FSIP1: variants seen among roughly 807,000 people sequenced by gnomAD.
FSIP1 encodes the protein fibrous sheath-interacting protein 1.
Under a neutral mutation model 60.9 loss-of-function variants are expected in FSIP1, and 65 were observed. That is an observed-to-expected ratio of 1.07 (90% CI 0.87 to 1.31). The LOEUF is 1.31. Among genes scored for constraint, FSIP1 ranks in the 40% most tolerant of loss-of-function variants. The pLI is 0.00. For synonymous variants in FSIP1, 209 were observed against 221.2 expected (o/e 0.94, Z 0.49); for missense variants, 675 against 665.5 (o/e 1.01, Z -0.16).
At chr15:39,732,718 ATC>A (rs1896456685) in intron 8 of FSIP1, among the ~76,000 whole-genome samples, 1 of 152,140 alleles carries the variant, frequency 6.6e-6, no homozygotes, top group Non-Finnish European at 1.5e-5. Flanking sequence ...TTTTAGTCAT[ATC>A]ATTTAGTCTT....
intron 10 of FSIP1, among the ~76,000 whole-genome samples, chr15:39,692,911 G>T (rs1417937141): frequency 6.6e-6 from 1 of 152,224 alleles, no homozygotes; most frequent in Non-Finnish European, 1.5e-5. Flanking sequence ...CGCTACGCCT[G>T]CCTGGCACTG....
intron 10 of FSIP1, among the ~76,000 whole-genome samples, chr15:39,671,657 A>G (rs931619815): frequency 4.6e-5 from 7 of 152,310 alleles, no homozygotes; most frequent in African/African-American, 1.7e-4. Context: ...GGAGTCCTGC[A>G]TTAATGCATA....
intron 10 of FSIP1, among the ~76,000 whole-genome samples, chr15:39,666,230 T>C (rs1021084250): frequency 6.6e-6 from 1 of 152,190 alleles, no homozygotes; most frequent in African/African-American, 2.4e-5. Context: ...GCCAGCCGAG[T>C]TTCTGGCTAG....
intron 10 of FSIP1, among the ~76,000 whole-genome samples, chr15:39,708,635 G>A (rs1050806894): frequency 1.3e-5 from 2 of 152,012 alleles, no homozygotes; most frequent in Non-Finnish European, 2.9e-5. Flanking sequence ...TTCTTTGCTG[G>A]GCTAAATAAA....
At chr15:39,746,519 G>A (rs1323634600) in intron 5 of FSIP1, among the ~76,000 whole-genome samples, 1 of 152,176 alleles carries the variant, frequency 6.6e-6, no homozygotes, top group Non-Finnish European at 1.5e-5. Context: ...GATGGACAAT[G>A]AGCAGACTCA....
chr15:39,714,571 A>G (rs1217993613), intron 9 of FSIP1, among the ~76,000 whole-genome samples: 1 of 150,970 alleles, frequency 6.6e-6, no homozygotes, highest in South Asian at 2.1e-4. Context: ...AGATATCCTC[A>G]TCATTCACCA....
chr15:39,727,737 GC>G (rs1157810769), intron 8 of FSIP1, among the ~76,000 whole-genome samples: 2 of 152,080 alleles, frequency 1.3e-5, no homozygotes, highest in Non-Finnish European at 2.9e-5. Flanking sequence ...AGACAAGGAT[GC>G]CCACTCTCAC....
intron 1 of FSIP1, among the ~76,000 whole-genome samples, chr15:39,778,700 G>A (rs1491624): frequency 0.33 from 49,629 of 152,096 alleles, 9,184 homozygotes; most frequent in Admixed American, 0.43. Context: ...ATTATATTGA[G>A]TGTTCGTGAG....
chr15:39,752,242 C>A (rs929251123), intron 5 of FSIP1, among the ~76,000 whole-genome samples: 1 of 151,822 alleles, frequency 6.6e-6, no homozygotes, highest in East Asian at 1.9e-4. Flanking sequence ...ATATTTAAAT[C>A]CTTAGTCCAT....
intron 11 of FSIP1, among the ~76,000 whole-genome samples, chr15:39,613,322 A>G (rs1891102189): frequency 6.6e-6 from 1 of 152,226 alleles, no homozygotes; most frequent in African/African-American, 2.4e-5. Flanking sequence ...TTATATGCCA[A>G]CATATAATAA....
At chr15:39,669,425 C>T (rs1304123002) in intron 10 of FSIP1, among the ~76,000 whole-genome samples, 1 of 152,208 alleles carries the variant, frequency 6.6e-6, no homozygotes, top group Non-Finnish European at 1.5e-5. Flanking sequence ...AGAACCCAAA[C>T]CATGACACTG....
chr15:39,663,279 A>G lies in FSIP1; in HGVS notation c.1189-45034T>C, dbSNP rs183018779. Among the ~76,000 whole-genome samples the G allele has an allele frequency of 1.3e-3, 205 of 152,326 alleles. 2 individuals carry two copies. Among genetic ancestry groups the G allele is most frequent in the African/African-American group, 4.5e-3 (188 of 41,582 alleles). Reference sequence around the variant, plus strand: ...TATATGTTTTCAACAAAATCTACAGATTCGCCAACGTTGAATTTCTAAGTA... The same window carrying G: ...TATATGTTTTCAACAAAATCTACAGGTTCGCCAACGTTGAATTTCTAAGTA... On this transcript the variant is annotated intron_variant, in intron 10 of 11. Coordinates refer to ENST00000350221, the MANE Select transcript of FSIP1 (RefSeq NM_152597.5).
At chr15:39,725,298 T>G (rs1185332527) in intron 9 of FSIP1, among the ~76,000 whole-genome samples, 1 of 152,226 alleles carries the variant, frequency 6.6e-6, no homozygotes, top group African/African-American at 2.4e-5. Flanking sequence ...TATCTCTGTT[T>G]TCCAAGAATT....
At position 39,739,727 on chromosome 15, in the gene FSIP1, T is replaced by C; in HGVS notation, c.718A>G (p.Asn240Asp). The change falls in exon 7 of 12, where the codon AAT becomes GAT. Residue 240 changes from asparagine to aspartate, a missense_variant. Transcript: ENST00000350221. ...CCCCTGAGCTCAATCTTTTCTGTATTCGAGAAAGGTTTCTTTCCTGATTTG... is the reference window on the plus strand; with the variant it reads ...CCCCTGAGCTCAATCTTTTCTGTATCCGAGAAAGGTTTCTTTCCTGATTTG... ...LIKSGKKPFS[N>D]TEKIELRGKH... 6.2e-7 allele frequency: 1 copy of C among 1,600,276 alleles called. No homozygotes were observed. The highest frequency in any genetic ancestry group is 8.5e-7 in the Non-Finnish European group (1 of 1,175,384).
In FSIP1 at chr15:39,763,841, G is replaced by T; in HGVS notation, c.539C>A (p.Ala180Asp). ...CTCACCAACAGTTTCTTCAGAAACA[G>T]CAGTCAAAGATAAAAATTTTTTTGT... is the stretch of plus-strand genomic sequence containing the variant. Reference protein sequence around the residue: ...ENTKKFLSLTAVSEETVGPSH... With the variant: ...ENTKKFLSLTDVSEETVGPSH... The change falls in exon 5 of 12, where the codon GCT becomes GAT. Residue 180 changes from alanine (A) to aspartate (D), a missense_variant. Transcript: ENST00000350221. 6.3e-7 allele frequency: 1 copy of T among 1,578,290 alleles called. No homozygotes were observed. The highest frequency in any genetic ancestry group is 8.7e-7 in the Non-Finnish European group (1 of 1,148,136).
At chr15:39,776,934 CT>C (rs1025619918) in intron 1 of FSIP1, among the ~76,000 whole-genome samples, 1 of 151,014 alleles carries the variant, frequency 6.6e-6, no homozygotes. Flanking sequence ...GCTACTTTCT[CT>C]TTTTTTTTGA....
At chr15:39,706,988 G>A (rs1375791243) in intron 10 of FSIP1, among the ~76,000 whole-genome samples, 1 of 152,172 alleles carries the variant, frequency 6.6e-6, no homozygotes, top group Non-Finnish European at 1.5e-5. Context: ...GTCAAAGCAA[G>A]GCAAAAGGGT....
Position 39,765,669 on chromosome 15 carries a change from C to T in FSIP1, c.388G>A (p.Ala130Thr). 1.3e-6 allele frequency: 2 copies of T among 1,597,870 alleles called. No homozygotes were observed. Among genetic ancestry groups the T allele is most frequent in the Non-Finnish European group, 1.7e-6 (2 of 1,168,914 alleles). The change falls in exon 4 of 12, where the codon GCA becomes ACA. Residue 130 changes from alanine (A) to threonine (T), a missense_variant. Coordinates refer to ENST00000350221, the MANE Select transcript of FSIP1 (RefSeq NM_152597.5). ...QKMKKLDKIL[A>T]KKQRREKEIK... ...TCTTTTTCTCTGCGTTGTTTCTTTG[C>T]CAATATTTTATCAAGTTTTTTCATC...
rs538999270 is a variant in FSIP1, at chr15:39,779,517, C to T, written c.-7-2986G>A. Among the ~76,000 whole-genome samples, 24 of 152,292 alleles carry T rather than the reference C, an allele frequency of 1.6e-4. No homozygotes were observed. The South Asian group carries it at 1.9e-3, about 12-fold the overall frequency. On this transcript the variant is annotated intron_variant, in intron 1 of 11. Coordinates refer to ENST00000350221, the MANE Select transcript of FSIP1 (RefSeq NM_152597.5). ...AAATAAAAATCACCCAACATCCCAC[C>T]ACCCTGAGCTATACGCTATTGGTAC...
Sources: allele counts gnomAD v4.1 joint callset (sites outside exome capture counted in the v4.1 genomes callset), GRCh38; gene constraint gnomAD v4.1.1; transcripts MANE v1.5; gene names NCBI Gene and HGNC (gene_info 2026-07-23, HGNC 2026-07-21).